Variants in PLA2G4E observed in about 807,000 individuals in gnomAD.
PLA2G4E encodes the protein phospholipase A2 group IVE.
In PLA2G4E, 84 loss-of-function variants were observed where a neutral mutation model predicts 109.1. That is an observed-to-expected ratio of 0.77 (90% CI 0.65 to 0.92). The LOEUF (loss-of-function observed/expected upper bound fraction) is 0.92. Among genes scored for constraint, PLA2G4E ranks in the 40% least tolerant of loss-of-function variants. PLA2G4E has a pLI of 0.00. For missense variants in PLA2G4E, 1,057 were observed against 1,076.6 expected, an observed-to-expected ratio of 0.98 and a Z score of 0.25; for synonymous variants, 469 against 436.1, an observed-to-expected ratio of 1.08 and a Z score of -0.94.
At chr15:42,037,320 C>T (rs747440880) in intron 1 of PLA2G4E, among the ~76,000 whole-genome samples, 4 of 152,250 alleles carry the variant, frequency 2.6e-5, no homozygotes, top group East Asian at 3.8e-4. Context: ...CCAATGTGCG[C>T]GCACTTCCTC....
intron 11 of PLA2G4E, 99 bp from the exon 12 acceptor site, chr15:41,995,595 G>T: frequency 6.7e-7 from 1 of 1,489,702 alleles, no homozygotes; most frequent in Non-Finnish European, 9.1e-7. Flanking sequence ...AATGGAGGAG[G>T]CAGAGCTGGC....
rs892285100 is a variant in PLA2G4E at position 42,038,508 on chromosome 15, C to T, written c.183+12013G>A. Among the ~76,000 whole-genome samples, 6 of 152,296 alleles carry T rather than the reference C, an allele frequency of 3.9e-5. No homozygotes were observed. In the East Asian group the frequency reaches 9.6e-4, roughly 24 times the overall value. On this transcript the variant is annotated intron_variant, in intron 1 of 19. Coordinates refer to ENST00000399518, the Ensembl canonical transcript of PLA2G4E. ...CACAAGGAGCGTGCAACCTAGATCCCTTGCATAGGCAGTTCAGAATAGTGT... is the reference window on the plus strand; with the variant it reads ...CACAAGGAGCGTGCAACCTAGATCCTTTGCATAGGCAGTTCAGAATAGTGT...
chr15:42,011,922 A>G (rs953869929), intron 2 of PLA2G4E, among the ~76,000 whole-genome samples: 2 of 152,126 alleles, frequency 1.3e-5, no homozygotes, highest in African/African-American at 4.8e-5. Flanking sequence ...CTGGATCCAG[A>G]GGACACTCCC....
intron 5 of PLA2G4E, among the ~76,000 whole-genome samples, chr15:42,004,512 C>G (rs781486810): frequency 6.6e-6 from 1 of 152,082 alleles, no homozygotes; most frequent in Non-Finnish European, 1.5e-5. Flanking sequence ...GCAGAGTTGG[C>G]TGCTTGCGGC....
At chr15:42,031,733 G>A (rs548387021) in intron 1 of PLA2G4E, among the ~76,000 whole-genome samples, 22 of 152,294 alleles carry the variant, frequency 1.4e-4, no homozygotes, top group Middle Eastern at 3.4e-3. Context: ...ACCTCTCGGA[G>A]ACTCCCAGAC....
intron 16 of PLA2G4E, 76 bp from the exon 17 acceptor site, chr15:41,987,451 G>T: frequency 7.1e-7 from 1 of 1,415,514 alleles, no homozygotes; most frequent in Non-Finnish European, 9.8e-7. Flanking sequence ...GCCCCACATG[G>T]TTGCCTGGCA....
chr15:41,986,071 TGGG>T (rs750170602), intron 17 of PLA2G4E, 66 bp from the exon 18 acceptor site: 3 of 1,510,312 alleles, frequency 2.0e-6, no homozygotes, highest in Non-Finnish European at 2.7e-6. Context: ...CAGAGGCACT[TGGG>T]GGGACGGAGC....
intron 15 of PLA2G4E, 56 bp downstream of exon 15, chr15:41,989,359 G>A (rs1198428504): frequency 8.1e-6 from 13 of 1,604,016 alleles, no homozygotes; most frequent in Non-Finnish European, 1.0e-5. Context: ...CCAACCCAGG[G>A]TGGCCCAGCA....
At chr15:42,002,693 G>A in exon 6 of PLA2G4E, 2 of 1,579,056 alleles carry the variant, frequency 1.3e-6, no homozygotes, top group Middle Eastern at 1.7e-4. Context: ...CAGGTGGAGA[G>A]GGACTGAAAA....
chr15:41,986,521 A>ATTT (rs879585887), intron 17 of PLA2G4E, among the ~76,000 whole-genome samples: 2 of 140,112 alleles, frequency 1.4e-5, no homozygotes, highest in South Asian at 2.3e-4. Context: ...CACCACTCAC[A>ATTT]TTTTTTTTTT....
intron 1 of PLA2G4E, among the ~76,000 whole-genome samples, chr15:42,046,940 G>A (rs560197137): frequency 2.6e-5 from 4 of 152,292 alleles, no homozygotes; most frequent in Admixed American, 2.6e-4. Flanking sequence ...ATGCTACTCA[G>A]TAATGGGAGC....
chr15:42,024,588 C>G (rs975015015), intron 1 of PLA2G4E, among the ~76,000 whole-genome samples: 3 of 152,180 alleles, frequency 2.0e-5, no homozygotes, highest in African/African-American at 7.2e-5. Context: ...TGCCACTCCC[C>G]TGTGGGCCCA....
intron 1 of PLA2G4E, among the ~76,000 whole-genome samples, chr15:42,031,502 T>C (rs1889114262): frequency 6.6e-6 from 1 of 152,136 alleles, no homozygotes; most frequent in South Asian, 2.1e-4. Context: ...TTTCCTCCTC[T>C]CATTTTCCTC....
At chr15:42,040,887 G>A (rs749356774) in intron 1 of PLA2G4E, among the ~76,000 whole-genome samples, 2 of 152,180 alleles carry the variant, frequency 1.3e-5, no homozygotes, top group African/African-American at 2.4e-5. Context: ...TGATTCTAAA[G>A]TTCAAGAAAG....
At chr15:42,028,391 A>ATTTCTTTATTTC (rs532198139) in intron 1 of PLA2G4E, among the ~76,000 whole-genome samples, 4,614 of 26,392 alleles carry the variant, frequency 0.17, 79 homozygotes, top group East Asian at 0.48. Context: ...TTACTTATTT[A>ATTTCTTTATTTC]TTTATTTATT....
At chr15:41,997,415 C>T (rs909471814) in intron 10 of PLA2G4E, 156 bp from the exon 11 acceptor site, 9 of 783,754 alleles carry the variant, frequency 1.1e-5, no homozygotes, top group South Asian at 2.4e-5. Flanking sequence ...TAAAGTGGGG[C>T]GAATCGTGCT....
intron 12 of PLA2G4E, among the ~76,000 whole-genome samples, chr15:41,993,748 G>T (rs1238741571): frequency 1.3e-5 from 2 of 152,086 alleles, no homozygotes; most frequent in East Asian, 3.9e-4. Flanking sequence ...GGAAACAGGG[G>T]CCTCCTCCCT....
chr15:42,016,129 T>G (rs891397941), intron 1 of PLA2G4E, among the ~76,000 whole-genome samples: 3 of 152,082 alleles, frequency 2.0e-5, no homozygotes, highest in African/African-American at 7.2e-5. Context: ...TTTAAGAGGA[T>G]TCAATTCTTC....
chr15:41,985,729 G>T, intron 18 of PLA2G4E, 110 bp downstream of exon 18: 1 of 1,318,400 alleles, frequency 7.6e-7, no homozygotes. Flanking sequence ...CTCTCTGGGG[G>T]CTGTCTAGAG....
Sources: allele counts gnomAD v4.1 joint callset (sites outside exome capture counted in the v4.1 genomes callset), GRCh38; gene constraint gnomAD v4.1.1; transcripts MANE v1.5; gene names NCBI Gene and HGNC (gene_info 2026-07-23, HGNC 2026-07-21).